Variants in ZNF521 observed in about 807,000 individuals in gnomAD.
ZNF521 encodes the protein zinc finger protein 521.
Under a neutral mutation model 105.5 loss-of-function variants are expected in ZNF521, and 14 were observed. That is an observed-to-expected ratio of 0.13 (90% CI 0.09 to 0.21). The LOEUF (loss-of-function observed/expected upper bound fraction) is 0.21. Ranked by LOEUF, ZNF521 falls within the 10% of genes least tolerant of loss-of-function variation. The pLI, the probability that ZNF521 is intolerant of heterozygous loss-of-function variation, is 1.00. For synonymous variants in ZNF521, 635 were observed against 606.0 expected (o/e 1.05, Z -0.70); for missense variants, 1,233 against 1,629.7 (o/e 0.76, Z 4.19).
intron 3 of ZNF521, among the ~76,000 whole-genome samples, chr18:25,230,529 A>G (rs1180597440): frequency 6.6e-6 from 1 of 152,212 alleles, no homozygotes; most frequent in African/African-American, 2.4e-5. Context: ...TGGCAGCCAC[A>G]GTGCAAACTA....
chr18:25,230,483 T>C (rs1906461751), intron 3 of ZNF521, among the ~76,000 whole-genome samples: 1 of 152,174 alleles, frequency 6.6e-6, no homozygotes, highest in Admixed American at 6.5e-5. Context: ...TACCTAAGAC[T>C]TTGAGAGTTA....
intron 1 of ZNF521, chr18:25,351,503 A>C (rs1914772315): frequency 6.6e-6 from 1 of 151,584 alleles, no homozygotes; most frequent in African/African-American, 2.4e-5. Flanking sequence ...TTTGTTTACA[A>C]AGCGAGTCGT....
At position 25,254,191 on chromosome 18, in the gene ZNF521, T is replaced by C. The variant is rs531038706; in HGVS notation, c.221-26494A>G. Among the ~76,000 whole-genome samples the C allele has an allele frequency of 3.3e-5, 5 of 152,236 alleles. No individual in the cohort carries two copies. The South Asian group carries it at 8.3e-4, about 25-fold the overall frequency. The stretch of plus-strand genomic sequence containing the variant: ...ATATATGGATACTGGGGAATAATTG[T>C]GGGACAGTAAAGGCTGGCTGCACCA... On this transcript the variant is annotated intron_variant, in intron 3 of 7. Transcript: ENST00000361524.
intron 2 of ZNF521, among the ~76,000 whole-genome samples, chr18:25,333,930 A>G (rs981957992): frequency 1.3e-5 from 2 of 152,338 alleles, no homozygotes; most frequent in South Asian, 2.1e-4. Context: ...TCTTCCCAGA[A>G]GTCAAGCTGG....
intron 3 of ZNF521, among the ~76,000 whole-genome samples, chr18:25,242,639 T>C (rs1309442259): frequency 2.0e-5 from 3 of 152,200 alleles, no homozygotes; most frequent in East Asian, 1.9e-4. Context: ...AATGCTAAAA[T>C]TGGGAAACAA....
chr18:25,326,472 G>A (rs1913229110), intron 2 of ZNF521, among the ~76,000 whole-genome samples: 1 of 152,184 alleles, frequency 6.6e-6, no homozygotes, highest in African/African-American at 2.4e-5. Flanking sequence ...GCTCCCAATA[G>A]TGTCCATCGC....
chr18:25,207,056 C>T (rs369777467), intron 4 of ZNF521, among the ~76,000 whole-genome samples: 2 of 145,242 alleles, frequency 1.4e-5, no homozygotes, highest in Admixed American at 6.9e-5. Flanking sequence ...TTCATTATCC[C>T]GAAAATATCT....
chr18:25,301,843 C>G (rs1053019788), intron 3 of ZNF521: 2 of 152,162 alleles, frequency 1.3e-5, no homozygotes, highest in African/African-American at 2.4e-5. Flanking sequence ...AAGTCTATAC[C>G]TGAAGACAAG....
At chr18:25,299,353 C>T (rs1306997699) in intron 3 of ZNF521, among the ~76,000 whole-genome samples, 1 of 152,120 alleles carries the variant, frequency 6.6e-6, no homozygotes. Context: ...GCGAACAAGA[C>T]AACTATCTAA....
At chr18:25,168,869 A>G (rs1037811546) in intron 5 of ZNF521, among the ~76,000 whole-genome samples, 2 of 152,166 alleles carry the variant, frequency 1.3e-5, no homozygotes, top group African/African-American at 4.8e-5. Flanking sequence ...CAGCTGCAGT[A>G]GTTTACCCAT....
chr18:25,294,738 C>T (rs1911226683), intron 3 of ZNF521, among the ~76,000 whole-genome samples: 1 of 151,178 alleles, frequency 6.6e-6, no homozygotes, highest in East Asian at 1.9e-4. Context: ...GCTTGTAATC[C>T]CAGCTACTAG....
intron 3 of ZNF521, among the ~76,000 whole-genome samples, chr18:25,285,789 A>G (rs45475191): frequency 0.033 from 5,042 of 152,150 alleles, 126 homozygotes; most frequent in South Asian, 0.059. Flanking sequence ...CCAAATCACA[A>G]AAAGGTCAGA....
intron 3 of ZNF521, among the ~76,000 whole-genome samples, chr18:25,238,227 G>A (rs1334632839): frequency 6.6e-6 from 1 of 152,146 alleles, no homozygotes; most frequent in Non-Finnish European, 1.5e-5. Flanking sequence ...ACCTAAAGTG[G>A]TGTTTAATAG....
intron 3 of ZNF521, among the ~76,000 whole-genome samples, chr18:25,241,978 C>T (rs1670606036): frequency 6.6e-6 from 1 of 152,104 alleles, no homozygotes; most frequent in African/African-American, 2.4e-5. Flanking sequence ...TGAAAATTTT[C>T]AATGTTTAAT....
At position 25,224,384 on chromosome 18, in the gene ZNF521, T is replaced by C. The variant is rs773056927; in HGVS notation, c.3534A>G (p.Val1178=). Residue 1178 remains valine (V), a synonymous_variant, in exon 4 of 8, where the codon GTA becomes GTG. Transcript: ENST00000361524. ...AGGGACTGATTCTGGGCATTGGTGA[T>C]ACTTGGGGCGTTTTCAACTGTGTGC... ...SNSTQLKTPQ[V]SPMPRISPSQ... is the part of the protein sequence containing the mutation. 13 of 1,613,688 alleles carry C rather than the reference T, an allele frequency of 8.1e-6. No individual in the cohort carries two copies. In the African/African-American group the frequency reaches 9.4e-5, roughly 12 times the overall value.
chr18:25,227,474 G>A lies in ZNF521; in HGVS notation c.444C>T (p.Cys148=). The A allele has an allele frequency of 6.2e-7, 1 of 1,614,148 alleles. No homozygotes were observed. Among genetic ancestry groups the A allele is most frequent in the East Asian group, 2.2e-5 (1 of 44,864 alleles). Residue 148 remains cysteine, a synonymous_variant, in exon 4 of 8, where the codon TGC becomes TGT. Coordinates refer to ENST00000361524, the MANE Select transcript of ZNF521 (RefSeq NM_015461.3). This position sits in a 1 kb window ranked among gnomAD's most constrained non-coding sequence, Gnocchi z 5.7. ...QSHSDKLPFK[C]TYCSRLFKHK... Reference sequence around the variant, plus strand: ...GTTTGAACAGCCTACTGCAGTAGGTGCATTTGAAAGGCAGTTTGTCACTGT... The same window carrying A: ...GTTTGAACAGCCTACTGCAGTAGGTACATTTGAAAGGCAGTTTGTCACTGT...
intron 5 of ZNF521, among the ~76,000 whole-genome samples, chr18:25,162,407 AT>A (rs1456603027): frequency 6.6e-6 from 1 of 152,236 alleles, no homozygotes; most frequent in Non-Finnish European, 1.5e-5. Flanking sequence ...TGGATACGGA[AT>A]TCTATAATAA....
At position 25,322,155 on chromosome 18, in the gene ZNF521, C is replaced by G; in HGVS notation, c.73G>C (p.Asp25His). Residue 25 changes from aspartate to histidine, a missense_variant, in exon 3 of 8, where the codon GAT becomes CAT. Physicochemically the swap from Asp to His is moderately conservative, Grantham distance 81 (BLOSUM62 -1). Coordinates refer to ENST00000361524, the MANE Select transcript of ZNF521 (RefSeq NM_015461.3). ...PNCKLEDKTE[D>H]GEALDCKKRP... ...TTCTTACAATCTAGTGCCTCTCCAT[C>G]TTCAGTCTTGTCTTCAAGTTTACAG... 1 of 1,614,200 alleles carries G rather than the reference C, an allele frequency of 6.2e-7. No homozygotes were observed. The highest frequency in any genetic ancestry group is 8.5e-7 in the Non-Finnish European group (1 of 1,180,026).
intron 5 of ZNF521, among the ~76,000 whole-genome samples, chr18:25,180,250 C>G (rs999488693): frequency 6.6e-6 from 1 of 152,034 alleles, no homozygotes; most frequent in African/African-American, 2.4e-5. Flanking sequence ...GTTTTAGTAA[C>G]TAAAGAAGTT....
Sources: gnomAD v4.1 joint callset for allele counts (sites outside exome capture counted in the v4.1 genomes callset) on GRCh38, gnomAD v4.1.1 for gene constraint, Gnocchi (gnomAD v3.1) non-coding constraint, MANE v1.5 for transcripts, NCBI Gene and HGNC (gene_info 2026-07-23, HGNC 2026-07-21) for gene names.